LINGO2: variants seen among roughly 807,000 people sequenced by gnomAD.
The protein encoded by LINGO2 is leucine rich repeat and Ig domain containing 2, also known as leucine-rich repeat and immunoglobulin-like domain-containing nogo receptor-interacting protein 2.
A neutral mutation model predicts 30.6 loss-of-function variants in LINGO2; 14 were observed. The observed-to-expected ratio is 0.46, with a 90% CI of 0.30 to 0.72. The LOEUF is 0.72. LINGO2 is among the 30% of genes least tolerant of loss of function. LINGO2 has a pLI of 0.07. For missense variants in LINGO2, 729 were observed against 751.7 expected, an observed-to-expected ratio of 0.97 and a Z score of 0.35; for synonymous variants, 317 against 288.5, an observed-to-expected ratio of 1.10 and a Z score of -1.00.
chr9:28,989,940 G>T, the LINGO2 span, among the ~76,000 whole-genome samples: 1 of 152,102 alleles, frequency 6.6e-6, no homozygotes, highest in African/African-American at 2.4e-5. Context: ...GAACAGCTCC[G>T]GTCTACAGCT....
intron 4 of LINGO2, among the ~76,000 whole-genome samples, chr9:28,233,855 C>A (rs577007252): frequency 6.6e-6 from 1 of 152,214 alleles, no homozygotes; most frequent in East Asian, 1.9e-4. Context: ...ATCCTGTTGC[C>A]TTGAAGTGAA....
the LINGO2 span, among the ~76,000 whole-genome samples, chr9:29,084,330 C>A: frequency 2.0e-4 from 31 of 152,088 alleles, no homozygotes; most frequent in Middle Eastern, 3.4e-3. Flanking sequence ...CGTTGTGTTC[C>A]TAGAAAGATA....
At chr9:28,054,959 A>G (rs1164867892) in intron 4 of LINGO2, among the ~76,000 whole-genome samples, 1 of 152,052 alleles carries the variant, frequency 6.6e-6, no homozygotes, top group Non-Finnish European at 1.5e-5. Flanking sequence ...TTCCTCTTAA[A>G]TGTGAATACT....
chr9:28,189,938 A>G (rs1424062964), intron 4 of LINGO2, among the ~76,000 whole-genome samples: 2 of 152,076 alleles, frequency 1.3e-5, no homozygotes, highest in Non-Finnish European at 2.9e-5. Flanking sequence ...AAAGGGGGAC[A>G]GCAAAAAACA....
At chr9:28,589,510 G>A (rs1390104836) in intron 1 of LINGO2, among the ~76,000 whole-genome samples, 1 of 151,958 alleles carries the variant, frequency 6.6e-6, no homozygotes, top group African/African-American at 2.4e-5. Flanking sequence ...ACCAATAACA[G>A]ACAAACAGAG....
the LINGO2 span, among the ~76,000 whole-genome samples, chr9:29,072,142 G>A: frequency 1.4e-4 from 21 of 150,552 alleles, no homozygotes; most frequent in Non-Finnish European, 2.1e-4. Context: ...AAGGAATGTA[G>A]ATAATAATGA....
chr9:28,586,944 A>T (rs1237268479), intron 1 of LINGO2, among the ~76,000 whole-genome samples: 1 of 152,070 alleles, frequency 6.6e-6, no homozygotes, highest in East Asian at 1.9e-4. Flanking sequence ...AACAATAGAG[A>T]TCCCAATGCA....
chr9:27,964,183 G>A (rs1361491150), intron 5 of LINGO2, among the ~76,000 whole-genome samples: 1 of 152,080 alleles, frequency 6.6e-6, no homozygotes, highest in Non-Finnish European at 1.5e-5. Context: ...AACATTCAAG[G>A]GGAAATGGAA....
At chr9:27,992,351 A>G (rs1484573781) in intron 5 of LINGO2, among the ~76,000 whole-genome samples, 2 of 152,162 alleles carry the variant, frequency 1.3e-5, no homozygotes, top group African/African-American at 4.8e-5. Context: ...TACATAAATC[A>G]TGATGTGTTG....
intron 5 of LINGO2, among the ~76,000 whole-genome samples, chr9:28,000,083 T>G (rs1023863785): frequency 1.2e-4 from 18 of 152,182 alleles, no homozygotes; most frequent in African/African-American, 3.1e-4. Context: ...TTTTAGATAC[T>G]TAACAGGATA....
chr9:28,937,061 T>C, the LINGO2 span, among the ~76,000 whole-genome samples: 1 of 152,138 alleles, frequency 6.6e-6, no homozygotes, highest in Admixed American at 6.5e-5. Context: ...TAATCTTAAT[T>C]ACCTTCTTAA....
chr9:28,550,901 G>A (rs1822246052), intron 1 of LINGO2, among the ~76,000 whole-genome samples: 1 of 151,782 alleles, frequency 6.6e-6, no homozygotes, highest in African/African-American at 2.4e-5. Flanking sequence ...TTCCTATGGT[G>A]AAAATTTAAA....
chr9:28,386,606 T>C (rs1324504087), intron 2 of LINGO2, among the ~76,000 whole-genome samples: 1 of 152,138 alleles, frequency 6.6e-6, no homozygotes, highest in Non-Finnish European at 1.5e-5. Flanking sequence ...TTAATAGTCT[T>C]TTAAAACAAT....
intron 4 of LINGO2, among the ~76,000 whole-genome samples, chr9:28,015,980 A>C (rs1822812459): frequency 7.5e-6 from 1 of 134,032 alleles, no homozygotes; most frequent in Non-Finnish European, 1.6e-5. Flanking sequence ...AACCGTTATG[A>C]AGGAAAAGTA....
chr9:28,522,275 AG>A (rs768794162), intron 1 of LINGO2, among the ~76,000 whole-genome samples: 3 of 152,206 alleles, frequency 2.0e-5, no homozygotes, highest in Non-Finnish European at 4.4e-5. Flanking sequence ...TCAGATGAAA[AG>A]CTATCATTGT....
At chr9:28,046,010 G>A (rs1824405786) in intron 4 of LINGO2, among the ~76,000 whole-genome samples, 1 of 152,112 alleles carries the variant, frequency 6.6e-6, no homozygotes, top group Non-Finnish European at 1.5e-5. Context: ...GACCTATAAT[G>A]AGGATGATCC....
At chr9:29,082,652 G>A in the LINGO2 span, among the ~76,000 whole-genome samples, 29,994 of 152,002 alleles carry the variant, frequency 0.2, 3,104 homozygotes, top group African/African-American at 0.24. Flanking sequence ...GCAACCTACA[G>A]AATGGGAGAA....
chr9:28,316,341 A>T (rs982365894), intron 3 of LINGO2, among the ~76,000 whole-genome samples: 1 of 152,170 alleles, frequency 6.6e-6, no homozygotes, highest in African/African-American at 2.4e-5. Context: ...GAAGACAAAC[A>T]GATAAGGCAA....
In LINGO2 at chr9:28,635,693, T is replaced by A. The variant is rs569373542; in HGVS notation, c.-365+34507A>T. On this transcript the variant is annotated intron_variant, in intron 1 of 5. Coordinates refer to ENST00000379992, the Ensembl canonical transcript of LINGO2. ...CATAAGTAAAAGTAAAAAAATATTA[T>A]GACAAAAAATTATTTCATAGGGATA... is the stretch of plus-strand genomic sequence containing the variant. 3.9e-5 allele frequency among the ~76,000 whole-genome samples: 6 copies of A among 152,152 alleles called. No individual in the cohort carries two copies. The South Asian group carries it at 1.2e-3, about 32-fold the overall frequency.
Sources: allele counts gnomAD v4.1 joint callset (sites outside exome capture counted in the v4.1 genomes callset), GRCh38; gene constraint gnomAD v4.1.1; transcripts MANE v1.5; gene names NCBI Gene and HGNC (gene_info 2026-07-23, HGNC 2026-07-21).